Variants in CSMD1 observed in about 807,000 individuals in gnomAD.
CSMD1 encodes the protein CUB and sushi domain-containing protein 1.
In CSMD1, 213 loss-of-function variants were observed where a neutral mutation model predicts 417.5. The observed-to-expected ratio is 0.51, with a 90% CI of 0.46 to 0.57. The LOEUF (loss-of-function observed/expected upper bound fraction) is 0.57, where lower values mean the gene tolerates loss of function less well. Among genes scored for constraint, CSMD1 ranks in the 20% least tolerant of loss-of-function variants. CSMD1 has a pLI of 0.00. For synonymous variants in CSMD1, 2,862 were observed against 1,736.8 expected, an observed-to-expected ratio of 1.65 and a Z score of -16.11; for missense variants, 6,923 against 4,529.7, an observed-to-expected ratio of 1.53 and a Z score of -15.17.
At chr8:3,911,531 A>AT (rs1316435003) in intron 5 of CSMD1, among the ~76,000 whole-genome samples, 18 of 127,864 alleles carry the variant, frequency 1.4e-4, no homozygotes, top group African/African-American at 6.0e-4. Flanking sequence ...CCGTCTCAAA[A>AT]TAAAAAAAAA....
intron 5 of CSMD1, among the ~76,000 whole-genome samples, chr8:3,954,640 G>T (rs537404228): frequency 1.3e-5 from 2 of 152,242 alleles, no homozygotes; most frequent in Non-Finnish European, 2.9e-5. Flanking sequence ...GGGATTACAG[G>T]CGTGAGCCAC....
chr8:3,719,524 C>A (rs564984592), intron 6 of CSMD1, among the ~76,000 whole-genome samples: 1 of 152,304 alleles, frequency 6.6e-6, no homozygotes, highest in African/African-American at 2.4e-5. Context: ...ACAATGAAGA[C>A]TTTGGGAAAA....
chr8:2,955,561 G>A, intron 64 of CSMD1, 28 bp downstream of exon 64: 1 of 1,609,454 alleles, frequency 6.2e-7, no homozygotes, highest in Middle Eastern at 1.7e-4. Context: ...CTTTGGAAAA[G>A]TATGCCACTC....
chr8:3,335,333 C>T (rs568153031), intron 23 of CSMD1, among the ~76,000 whole-genome samples: 6 of 152,320 alleles, frequency 3.9e-5, no homozygotes, highest in Admixed American at 3.3e-4. Context: ...CCATCACACA[C>T]AGCCAGTGGT....
chr8:4,005,428 A>G (rs1420539580), intron 4 of CSMD1, among the ~76,000 whole-genome samples: 4 of 152,196 alleles, frequency 2.6e-5, no homozygotes, highest in African/African-American at 9.7e-5. Context: ...TTAGACACAG[A>G]CAAGTGCTTT....
chr8:3,842,212 C>G (rs1272976480), intron 5 of CSMD1, among the ~76,000 whole-genome samples: 1 of 152,102 alleles, frequency 6.6e-6, no homozygotes, highest in East Asian at 1.9e-4. Context: ...TTTTCCAAGC[C>G]TCTTGTAGAA....
At chr8:4,122,866 A>G (rs558867066) in intron 3 of CSMD1, among the ~76,000 whole-genome samples, 1 of 152,344 alleles carries the variant, frequency 6.6e-6, no homozygotes, top group East Asian at 1.9e-4. Flanking sequence ...TGGTCCACAT[A>G]AAGAAAGGCA....
chr8:3,534,601 C>T (rs1488064508), intron 10 of CSMD1, among the ~76,000 whole-genome samples: 1 of 151,388 alleles, frequency 6.6e-6, no homozygotes, highest in Admixed American at 6.6e-5. Flanking sequence ...AGTTGTGTTT[C>T]CTAAGGGCTT....
chr8:3,085,595 C>T (rs1460384578), intron 49 of CSMD1, among the ~76,000 whole-genome samples: 1 of 152,176 alleles, frequency 6.6e-6, no homozygotes, highest in Non-Finnish European at 1.5e-5. Context: ...GTCAGAAGAG[C>T]CTCATTTGCA....
intron 23 of CSMD1, among the ~76,000 whole-genome samples, chr8:3,317,833 C>T (rs1158525440): frequency 1.3e-5 from 2 of 152,156 alleles, no homozygotes; most frequent in Non-Finnish European, 2.9e-5. Flanking sequence ...TTTTTTGAGA[C>T]AAGGTCTTGC....
At chr8:3,559,148 G>C (rs1363421662) in intron 10 of CSMD1, among the ~76,000 whole-genome samples, 2 of 152,166 alleles carry the variant, frequency 1.3e-5, no homozygotes, top group East Asian at 1.9e-4. Context: ...TGTACCCTGT[G>C]GCAGGAACTT....
intron 1 of CSMD1, among the ~76,000 whole-genome samples, chr8:4,923,316 G>A (rs185806678): frequency 4.6e-5 from 7 of 152,164 alleles, no homozygotes; most frequent in Non-Finnish European, 1.0e-4. Context: ...TGATGCTTTC[G>A]TATTGGTTAG....
chr8:4,244,499 G>C (rs1269033653), intron 3 of CSMD1, among the ~76,000 whole-genome samples: 1 of 152,050 alleles, frequency 6.6e-6, no homozygotes, highest in Non-Finnish European at 1.5e-5. Flanking sequence ...CCTAAAAATA[G>C]TTTGAAGAGT....
chr8:4,469,393 C>G (rs879703451), intron 2 of CSMD1, among the ~76,000 whole-genome samples: 12 of 152,188 alleles, frequency 7.9e-5, no homozygotes, highest in Non-Finnish European at 1.8e-4. Flanking sequence ...CGGCTGGTGT[C>G]AGCATTCTGC....
chr8:3,662,104 C>T (rs915518727), intron 7 of CSMD1, among the ~76,000 whole-genome samples: 9 of 152,066 alleles, frequency 5.9e-5, no homozygotes, highest in South Asian at 2.1e-4. Flanking sequence ...CTTAAAGGGA[C>T]ATTAGTGGAA....
chr8:3,336,942 G>A (rs77262474), intron 23 of CSMD1, among the ~76,000 whole-genome samples: 1 of 152,118 alleles, frequency 6.6e-6, no homozygotes, highest in East Asian at 1.9e-4. Flanking sequence ...CCTAAAAAAA[G>A]TCAGTTAGTT....
intron 1 of CSMD1, among the ~76,000 whole-genome samples, chr8:4,641,284 C>G (rs79261092): frequency 4.0e-5 from 6 of 151,756 alleles, no homozygotes; most frequent in African/African-American, 1.5e-4. Flanking sequence ...CATCTGTTAC[C>G]GAAATAATAA....
chr8:3,946,089 G>T (rs955593645), intron 5 of CSMD1, among the ~76,000 whole-genome samples: 2 of 152,090 alleles, frequency 1.3e-5, no homozygotes, highest in Non-Finnish European at 2.9e-5. Flanking sequence ...GTGATCTGTG[G>T]AGGACTTTAT....
chr8:3,863,096 A>G (rs1343167380), intron 5 of CSMD1, among the ~76,000 whole-genome samples: 1 of 152,114 alleles, frequency 6.6e-6, no homozygotes, highest in Non-Finnish European at 1.5e-5. Flanking sequence ...AGATCCCTCA[A>G]GCTTTTTTAA....
Sources: gnomAD v4.1 joint callset for allele counts (sites outside exome capture counted in the v4.1 genomes callset) on GRCh38, gnomAD v4.1.1 for gene constraint, MANE v1.5 for transcripts, NCBI Gene and HGNC (gene_info 2026-07-23, HGNC 2026-07-21) for gene names.